CHST9: variants seen among roughly 807,000 people sequenced by gnomAD.
The protein encoded by CHST9 is GalNAc-4-sulfotransferase 2.
In CHST9, 41 loss-of-function variants were observed where a neutral mutation model predicts 44.4. The ratio of observed to expected loss-of-function variants is 0.92; its 90% CI spans 0.72 to 1.20. CHST9 has a LOEUF of 1.20. Ranked by LOEUF, CHST9 falls within the 50% of genes most tolerant of loss-of-function variation. The pLI, the probability that CHST9 is intolerant of heterozygous loss-of-function variation, is 0.00. For missense variants in CHST9, 504 were observed against 516.5 expected (o/e 0.98, Z 0.23); for synonymous variants, 171 against 178.4 (o/e 0.96, Z 0.33).
chr18:26,962,727 A>G (rs2145153370), intron 4 of CHST9, among the ~76,000 whole-genome samples: 1 of 152,222 alleles, frequency 6.6e-6, no homozygotes, highest in Non-Finnish European at 1.5e-5. Flanking sequence ...GGTAGAGTAA[A>G]GGCTGGTGGC....
intron 3 of CHST9, among the ~76,000 whole-genome samples, chr18:27,047,707 C>T (rs779210811): frequency 4.6e-5 from 7 of 151,996 alleles, no homozygotes; most frequent in South Asian, 2.1e-4. Flanking sequence ...TTGCTTATCA[C>T]AGGAATAGTG....
rs2057808880 is a variant in CHST9 at position 27,068,776 on chromosome 18, G to A, written c.122-20273C>T. Among the ~76,000 whole-genome samples the A allele has an allele frequency of 2.0e-5, 3 of 152,150 alleles. No homozygotes were observed. The South Asian group carries it at 6.2e-4, about 32-fold the overall frequency. On this transcript the variant is annotated intron_variant, in intron 2 of 5. Coordinates refer to ENST00000618847, the MANE Select transcript of CHST9 (RefSeq NM_031422.6). ...GTGCTGCATCTCTGGGACAACTGCA[G>A]GTTTCTTCCAGGCCCCTTTCACAAA...
chr18:27,049,488 G>A (rs981147924), intron 2 of CHST9, among the ~76,000 whole-genome samples: 2 of 152,048 alleles, frequency 1.3e-5, no homozygotes, highest in Non-Finnish European at 2.9e-5. Context: ...TGACATTGGA[G>A]CATCCAGGCT....
chr18:26,944,269 CAT>C (rs1374758049), intron 5 of CHST9, 58 bp downstream of exon 5: 121 of 1,257,256 alleles, frequency 9.6e-5, no homozygotes, highest in African/African-American at 3.6e-4. Context: ...TATATTTACA[CAT>C]GTTTATTAAC....
intron 4 of CHST9, among the ~76,000 whole-genome samples, chr18:26,945,524 C>T (rs2056148972): frequency 6.6e-6 from 1 of 152,158 alleles, no homozygotes; most frequent in Non-Finnish European, 1.5e-5. Flanking sequence ...AAGCATAGAG[C>T]CTTTAAGGAT....
At position 27,092,282 on chromosome 18, in the gene CHST9, T is replaced by C. The variant is rs187684625; in HGVS notation, c.122-43779A>G. Among the ~76,000 whole-genome samples, 387 of 152,102 alleles carry C rather than the reference T, an allele frequency of 2.5e-3. 2 individuals are homozygous for C. The highest frequency in any genetic ancestry group is 9.0e-3 in the African/African-American group (373 of 41,360). On this transcript the variant is annotated intron_variant, in intron 2 of 5. Transcript: ENST00000618847. ...GTAGTTTGTATTTCTGTGGGATTGG[T>C]GGTGATATCCCCTTTATGATTTTTT...
At chr18:26,920,847 G>A (rs1456628985) in intron 5 of CHST9, among the ~76,000 whole-genome samples, 1 of 152,164 alleles carries the variant, frequency 6.6e-6, no homozygotes, top group Non-Finnish European at 1.5e-5. Flanking sequence ...TAGATGTGGA[G>A]GCTTCGTGTT....
chr18:27,054,991 G>C (rs1308190225), intron 2 of CHST9, among the ~76,000 whole-genome samples: 1 of 151,888 alleles, frequency 6.6e-6, no homozygotes, highest in African/African-American at 2.4e-5. Context: ...TTATAATAAA[G>C]TCTGTTGTGG....
chr18:27,041,956 G>A (rs927209129), intron 3 of CHST9, among the ~76,000 whole-genome samples: 7 of 152,048 alleles, frequency 4.6e-5, no homozygotes, highest in South Asian at 2.1e-4. Flanking sequence ...CATAAACCCA[G>A]AGAAAATTGG....
At chr18:27,097,562 T>C (rs1171574685) in intron 2 of CHST9, among the ~76,000 whole-genome samples, 1 of 151,968 alleles carries the variant, frequency 6.6e-6, no homozygotes, top group Non-Finnish European at 1.5e-5. Flanking sequence ...GGGTATAAAA[T>C]CAATATAAAA....
chr18:27,000,149 T>A (rs1475125084), intron 4 of CHST9, among the ~76,000 whole-genome samples: 1 of 152,196 alleles, frequency 6.6e-6, no homozygotes, highest in African/African-American at 2.4e-5. Flanking sequence ...CCATCCCTGG[T>A]AGGATCACAT....
chr18:26,975,957 T>C (rs1228284797), intron 4 of CHST9, among the ~76,000 whole-genome samples: 2 of 150,686 alleles, frequency 1.3e-5, no homozygotes, highest in African/African-American at 4.9e-5. Context: ...GCAGGAGGTG[T>C]CCCCCACCAC....
intron 4 of CHST9, among the ~76,000 whole-genome samples, chr18:26,999,309 A>T (rs1363050766): frequency 6.6e-6 from 1 of 152,242 alleles, no homozygotes; most frequent in Non-Finnish European, 1.5e-5. Context: ...TTTTAAAAAT[A>T]AAAATACTAT....
chr18:27,182,150 G>T (rs9959121), intron 1 of CHST9, among the ~76,000 whole-genome samples: 104,255 of 151,290 alleles, frequency 0.69, 36,052 homozygotes, highest in East Asian at 0.79. Flanking sequence ...GAATAATTCA[G>T]AGTATTTACT....
At chr18:26,969,376 C>CTCTCTGTGTGTGTG (rs1555672857) in intron 4 of CHST9, among the ~76,000 whole-genome samples, 1 of 95,590 alleles carries the variant, frequency 1.0e-5, no homozygotes, top group African/African-American at 2.9e-5. Flanking sequence ...CTCTCTCTCT[C>CTCTCTGTGTGTGTG]TGTGTGTGTG....
At chr18:26,975,509 A>G (rs1371668535) in intron 4 of CHST9, among the ~76,000 whole-genome samples, 1 of 151,874 alleles carries the variant, frequency 6.6e-6, no homozygotes, top group Non-Finnish European at 1.5e-5. Flanking sequence ...GCTCCCACTT[A>G]TAAGTGAGAA....
chr18:27,073,611 G>T (rs1369588851), intron 2 of CHST9, among the ~76,000 whole-genome samples: 2 of 151,852 alleles, frequency 1.3e-5, no homozygotes, highest in African/African-American at 4.8e-5. Context: ...AATGGAGAGG[G>T]GTCATCGAGG....
intron 1 of CHST9, among the ~76,000 whole-genome samples, chr18:27,149,820 T>C (rs1286880654): frequency 6.6e-6 from 1 of 152,056 alleles, no homozygotes; most frequent in African/African-American, 2.4e-5. Flanking sequence ...CCTGTTGTGT[T>C]TTCCTAATGC....
At chr18:26,937,838 A>C (rs961684490) in intron 5 of CHST9, among the ~76,000 whole-genome samples, 7 of 152,318 alleles carry the variant, frequency 4.6e-5, no homozygotes, top group African/African-American at 1.4e-4. Flanking sequence ...ATTATTACTA[A>C]TGTCGTGCTA....
Sources: allele counts gnomAD v4.1 joint callset (sites outside exome capture counted in the v4.1 genomes callset), GRCh38; gene constraint gnomAD v4.1.1; transcripts MANE v1.5; gene names NCBI Gene and HGNC (gene_info 2026-07-23, HGNC 2026-07-21).